Variants in CTNNA3 observed in about 807,000 individuals in gnomAD.
The protein encoded by CTNNA3 is catenin alpha-3.
In CTNNA3, 76 loss-of-function variants were observed where a neutral mutation model predicts 95.7. That is an observed-to-expected ratio of 0.79 (90% CI 0.66 to 0.96). The LOEUF is 0.96. CTNNA3 is among the 40% of genes least tolerant of loss of function. CTNNA3 has a pLI of 0.00. For missense variants in CTNNA3, 1,191 were observed against 1,089.8 expected (o/e 1.09, Z -1.31); for synonymous variants, 431 against 374.4 (o/e 1.15, Z -1.74).
chr10:66,905,848 T>C (rs954658977), intron 7 of CTNNA3, among the ~76,000 whole-genome samples: 17 of 152,058 alleles, frequency 1.1e-4, no homozygotes, highest in South Asian at 2.1e-4. Context: ...AAAGAGAAAA[T>C]TGCTTTTTAA....
chr10:67,414,155 T>C (rs529133260), intron 5 of CTNNA3, among the ~76,000 whole-genome samples: 219 of 152,098 alleles, frequency 1.4e-3, no homozygotes, highest in African/African-American at 5.1e-3. Context: ...GAATTGGTTC[T>C]TTGAAAAACT....
chr10:67,655,420 T>C (rs1297394842), intron 1 of CTNNA3, among the ~76,000 whole-genome samples: 4 of 152,224 alleles, frequency 2.6e-5, no homozygotes, highest in Non-Finnish European at 5.9e-5. Flanking sequence ...GAAGAAAGGA[T>C]CAGCAACTAG....
chr10:67,472,217 T>A (rs1024710449), intron 5 of CTNNA3, among the ~76,000 whole-genome samples: 6 of 152,242 alleles, frequency 3.9e-5, no homozygotes, highest in Non-Finnish European at 7.3e-5. Flanking sequence ...GTATTTGTAC[T>A]TCCTGGACTT....
Position 66,766,423 on chromosome 10 carries a change from A to C in CTNNA3, c.1129-7T>G. On this transcript the variant is annotated splice_polypyrimidine_tract_variant and splice_region_variant and intron_variant, in intron 8 of 17. Transcript: ENST00000433211. Reference sequence around the variant, plus strand: ...CTATAATAGCCTTGCGGAGCTGAGAAGAAATGAAAAATTCAGGTTTTTTTT... The same window carrying C: ...CTATAATAGCCTTGCGGAGCTGAGACGAAATGAAAAATTCAGGTTTTTTTT... 1 of 1,593,844 alleles carries C rather than the reference A, an allele frequency of 6.3e-7. No homozygotes were observed. Among genetic ancestry groups the C allele is most frequent in the Non-Finnish European group, 8.5e-7 (1 of 1,169,660 alleles).
intron 2 of CTNNA3, among the ~76,000 whole-genome samples, chr10:67,643,257 T>A (rs1233289830): frequency 6.6e-6 from 1 of 151,752 alleles, no homozygotes; most frequent in Non-Finnish European, 1.5e-5. Context: ...CACTTATAAG[T>A]GGGAGCTGAA....
chr10:66,922,309 A>G (rs943180022), intron 7 of CTNNA3, among the ~76,000 whole-genome samples: 1 of 152,220 alleles, frequency 6.6e-6, no homozygotes, highest in Non-Finnish European at 1.5e-5. Flanking sequence ...CTGAAAGGCA[A>G]ATCAGAAATA....
chr10:65,971,593 A>G (rs75263663), intron 16 of CTNNA3, among the ~76,000 whole-genome samples: 3,717 of 152,094 alleles, frequency 0.024, 151 homozygotes, highest in African/African-American at 0.085. Flanking sequence ...AATTTCTGAA[A>G]CACACAATCC....
intron 5 of CTNNA3, among the ~76,000 whole-genome samples, chr10:67,323,349 G>C (rs1355804341): frequency 6.6e-6 from 1 of 152,034 alleles, no homozygotes; most frequent in Non-Finnish European, 1.5e-5. Context: ...TATAGTTTTT[G>C]GTTTTGCATC....
At position 66,613,186 on chromosome 10, in the gene CTNNA3, A is replaced by G. The variant is rs76211896; in HGVS notation, c.1374+8506T>C. Among the ~76,000 whole-genome samples the G allele has an allele frequency of 7.9e-5, 12 of 152,188 alleles. No individual in the cohort carries two copies. The East Asian group carries it at 2.3e-3, about 29-fold the overall frequency. ...ATTCTAGGCTATGTACTTTAAAGTC[A>G]TTATCTAATTTTTTACCCCACTTTC... On this transcript the variant is annotated intron_variant, in intron 10 of 17. Coordinates refer to ENST00000433211, the MANE Select transcript of CTNNA3 (RefSeq NM_013266.4).
intron 5 of CTNNA3, among the ~76,000 whole-genome samples, chr10:67,436,744 A>G (rs553467133): frequency 2.4e-4 from 36 of 152,334 alleles, no homozygotes; most frequent in African/African-American, 7.9e-4. Context: ...ACTAATTATC[A>G]GGGAAATGCA....
Position 66,387,035 on chromosome 10 carries a change from G to A in CTNNA3, c.1532-7683C>T, listed in dbSNP as rs527867633. ...CAATACCATTCAGGACACAGGCATA[G>A]GCAAGGACTTCATGACTAAAACACC... On this transcript the variant is annotated intron_variant, in intron 11 of 17. Transcript: ENST00000433211. 2.0e-5 allele frequency among the ~76,000 whole-genome samples: 3 copies of A among 152,248 alleles called. No individual in the cohort carries two copies. The South Asian group carries it at 6.2e-4, about 32-fold the overall frequency.
chr10:66,444,446 G>T (rs192208028), intron 11 of CTNNA3, among the ~76,000 whole-genome samples: 9 of 151,988 alleles, frequency 5.9e-5, no homozygotes, highest in Non-Finnish European at 1.0e-4. Flanking sequence ...TACCCACAAA[G>T]GGAAAGCCAT....
intron 3 of CTNNA3, among the ~76,000 whole-genome samples, chr10:67,559,190 G>A (rs1054829765): frequency 3.3e-5 from 5 of 152,244 alleles, no homozygotes; most frequent in African/African-American, 1.2e-4. Flanking sequence ...GCCTCCTCAA[G>A]TGGGTCTCTG....
At chr10:66,132,570 ATCAT>A (rs1377426396) in intron 13 of CTNNA3, among the ~76,000 whole-genome samples, 2 of 152,210 alleles carry the variant, frequency 1.3e-5, no homozygotes, top group Admixed American at 6.5e-5. Context: ...AGAACTATAA[ATCAT>A]TCTGCCATAA....
At chr10:67,544,157 T>C (rs1223528824) in intron 3 of CTNNA3, among the ~76,000 whole-genome samples, 2 of 152,196 alleles carry the variant, frequency 1.3e-5, no homozygotes, top group Non-Finnish European at 2.9e-5. Flanking sequence ...ATTGGCTATG[T>C]CTTATTTCCA....
chr10:66,009,526 T>G (rs2078964794), intron 15 of CTNNA3, among the ~76,000 whole-genome samples: 1 of 152,152 alleles, frequency 6.6e-6, no homozygotes, highest in Non-Finnish European at 1.5e-5. Context: ...GATAACAAAT[T>G]TAAAGAAACT....
intron 13 of CTNNA3, among the ~76,000 whole-genome samples, chr10:66,153,608 T>C (rs943440919): frequency 2.0e-5 from 3 of 151,934 alleles, no homozygotes; most frequent in Admixed American, 6.6e-5. Context: ...TCTTATCTTC[T>C]GGATTTCTCT....
At chr10:67,133,366 C>CATATATATAT (rs1554928733) in intron 7 of CTNNA3, among the ~76,000 whole-genome samples, 1 of 124,564 alleles carries the variant, frequency 8.0e-6, no homozygotes, top group African/African-American at 3.1e-5. Context: ...TACATACATA[C>CATATATATAT]ATATATATAT....
intron 7 of CTNNA3, among the ~76,000 whole-genome samples, chr10:67,015,065 A>C (rs528441674): frequency 1.3e-5 from 2 of 152,196 alleles, no homozygotes; most frequent in African/African-American, 4.8e-5. Flanking sequence ...AAATGGAAAA[A>C]CTTTAGGAGG....
Sources: allele counts gnomAD v4.1 joint callset (sites outside exome capture counted in the v4.1 genomes callset), GRCh38; gene constraint gnomAD v4.1.1; transcripts MANE v1.5; gene names NCBI Gene and HGNC (gene_info 2026-07-23, HGNC 2026-07-21).